ERICH6B: variants seen among roughly 807,000 people sequenced by gnomAD.
The protein encoded by ERICH6B is glutamate-rich protein 6B.
ERICH6B carries 69 observed loss-of-function variants against 80.0 expected under a neutral mutation model. The ratio of observed to expected loss-of-function variants is 0.86; its 90% CI spans 0.71 to 1.05. The LOEUF is 1.05. Ranked by LOEUF, ERICH6B falls within the 50% of genes least tolerant of loss-of-function variation. The pLI is 0.00. For missense variants in ERICH6B, 754 were observed against 796.1 expected, an observed-to-expected ratio of 0.95 and a Z score of 0.64; for synonymous variants, 283 against 291.9, an observed-to-expected ratio of 0.97 and a Z score of 0.31.
intron 12 of ERICH6B, 75 bp downstream of exon 12, chr13:45,550,156 T>C (rs1874159273): frequency 1.3e-6 from 2 of 1,531,384 alleles, no homozygotes; most frequent in African/African-American, 2.8e-5. Context: ...TCAAACCCCT[T>C]ACCCCATAAA....
At position 45,561,353 on chromosome 13, in the gene ERICH6B, G is replaced by A. The variant is rs1303463160; in HGVS notation, c.1407+16C>T. 1.3e-6 allele frequency: 2 copies of A among 1,550,898 alleles called. No homozygotes were observed. The highest frequency in any genetic ancestry group is 1.7e-6 in the Non-Finnish European group (2 of 1,146,406). ...CCTGTGCAAAGTAAAAAACAGCAAT[G>A]TACTGTCCCTCTTACCACTGTCTTC... On this transcript the variant is annotated intron_variant, in intron 11 of 14. Transcript: ENST00000298738.
At chr13:45,580,113 G>A in intron 6 of ERICH6B, 139 bp from the exon 7 acceptor site, 1 of 695,228 alleles carries the variant, frequency 1.4e-6, no homozygotes, top group Non-Finnish European at 2.4e-6. Flanking sequence ...TGTGTTTTGG[G>A]ATAAAAGCCT....
chr13:45,571,897 C>T (rs1041793699), intron 8 of ERICH6B, among the ~76,000 whole-genome samples: 6 of 152,198 alleles, frequency 3.9e-5, no homozygotes, highest in African/African-American at 1.4e-4. Context: ...ATATCCTTCC[C>T]TCACAGCCCT....
chr13:45,559,874 T>C (rs919115211), intron 11 of ERICH6B, among the ~76,000 whole-genome samples: 1 of 152,246 alleles, frequency 6.6e-6, no homozygotes, highest in African/African-American at 2.4e-5. Context: ...TTCTGCAGTG[T>C]TGGGTAGAAT....
chr13:45,615,358 C>T (rs1354452684), intron 1 of ERICH6B, among the ~76,000 whole-genome samples: 2 of 152,146 alleles, frequency 1.3e-5, no homozygotes, highest in Non-Finnish European at 2.9e-5. Context: ...ACTCGCACTT[C>T]CCCCCAGAGC....
chr13:45,576,695 C>A (rs188225483), intron 7 of ERICH6B, among the ~76,000 whole-genome samples: 1 of 151,684 alleles, frequency 6.6e-6, no homozygotes, highest in Admixed American at 6.6e-5. Context: ...CCATCATTTG[C>A]GATTGCCATA....
At chr13:45,555,098 G>A (rs1043665459) in intron 11 of ERICH6B, among the ~76,000 whole-genome samples, 3 of 152,118 alleles carry the variant, frequency 2.0e-5, no homozygotes, top group Non-Finnish European at 4.4e-5. Flanking sequence ...CGCCATGGTG[G>A]GTAGATGGTG....
intron 1 of ERICH6B, among the ~76,000 whole-genome samples, chr13:45,610,540 T>C (rs1949893696): frequency 1.3e-5 from 2 of 152,202 alleles, no homozygotes. Context: ...ATTTTGTTTG[T>C]GCAGCAGTCA....
At chr13:45,569,843 C>T (rs1029973435) in intron 8 of ERICH6B, among the ~76,000 whole-genome samples, 7 of 152,190 alleles carry the variant, frequency 4.6e-5, no homozygotes, top group African/African-American at 1.7e-4. Context: ...TTTCTTGAGT[C>T]AGTGCTTCAG....
chr13:45,590,594 A>C (rs1349632832), intron 4 of ERICH6B, 55 bp downstream of exon 4: 55 of 1,500,198 alleles, frequency 3.7e-5, no homozygotes, highest in Non-Finnish European at 4.5e-5. Flanking sequence ...GGCTGCTGAA[A>C]CATTGTCCCC....
chr13:45,595,916 A>G (rs1876349080), intron 3 of ERICH6B, among the ~76,000 whole-genome samples: 1 of 152,132 alleles, frequency 6.6e-6, no homozygotes, highest in Non-Finnish European at 1.5e-5. Context: ...AACTGCTGGG[A>G]TTGCAGGTGT....
chr13:45,560,381 T>C (rs1874618691), intron 11 of ERICH6B, among the ~76,000 whole-genome samples: 1 of 152,194 alleles, frequency 6.6e-6, no homozygotes, highest in Non-Finnish European at 1.5e-5. Flanking sequence ...GTTTCCCATA[T>C]ATGCACAGCC....
At chr13:45,606,551 T>A (rs3992926) in intron 2 of ERICH6B, among the ~76,000 whole-genome samples, 933 of 20,846 alleles carry the variant, frequency 0.045, 6 homozygotes, top group Non-Finnish European at 0.1. Context: ...ATATATATTT[T>A]TTTTTTTTTT....
At chr13:45,586,336 G>T (rs1169024130) in intron 5 of ERICH6B, among the ~76,000 whole-genome samples, 1 of 152,192 alleles carries the variant, frequency 6.6e-6, no homozygotes, top group Non-Finnish European at 1.5e-5. Context: ...ATTTACTGCT[G>T]CCATGACTAC....
At chr13:45,553,034 C>G (rs982205013) in intron 11 of ERICH6B, 9 of 264,930 alleles carry the variant, frequency 3.4e-5, no homozygotes, top group African/African-American at 4.6e-5. Flanking sequence ...GTTGTGAAGT[C>G]TTTAACTCAG....
intron 7 of ERICH6B, among the ~76,000 whole-genome samples, chr13:45,576,458 T>A (rs562700804): frequency 1.8e-4 from 28 of 152,006 alleles, no homozygotes; most frequent in East Asian, 9.7e-4. Context: ...AGGGACATTT[T>A]AAAAAAAACA....
At chr13:45,550,114 G>A (rs1874157566) in intron 12 of ERICH6B, 69 bp from the exon 13 acceptor site, 4 of 1,536,668 alleles carry the variant, frequency 2.6e-6, no homozygotes, top group Non-Finnish European at 2.6e-6. Context: ...CCCTGCAGAT[G>A]ATGCAGGCCT....
chr13:45,545,364 T>A (rs1400067910), intron 13 of ERICH6B, among the ~76,000 whole-genome samples: 1 of 152,206 alleles, frequency 6.6e-6, no homozygotes, highest in Non-Finnish European at 1.5e-5. Context: ...CCTACCTGGT[T>A]CCCTACGGGA....
In ERICH6B at chr13:45,588,949, C is replaced by T. The variant is rs141399514; in HGVS notation, c.686+1700G>A. 4.8e-4 allele frequency among the ~76,000 whole-genome samples: 73 copies of T among 152,148 alleles called. 1 individual carries two copies. In the South Asian group the frequency reaches 0.014, roughly 29 times the overall value. Reference sequence around the variant, plus strand: ...TGTAGTGCTTTAGCGAGGGGAGGGCCGGGCATGTGCCTGGAGGACCTTCGG... The same window carrying T: ...TGTAGTGCTTTAGCGAGGGGAGGGCTGGGCATGTGCCTGGAGGACCTTCGG... On this transcript the variant is annotated intron_variant, in intron 4 of 14. Transcript: ENST00000298738.
Sources: allele counts gnomAD v4.1 joint callset (sites outside exome capture counted in the v4.1 genomes callset), GRCh38; gene constraint gnomAD v4.1.1; transcripts MANE v1.5; gene names NCBI Gene and HGNC (gene_info 2026-07-23, HGNC 2026-07-21).